DLGAP3: variants seen among roughly 807,000 people sequenced by gnomAD.
DLGAP3 encodes the protein disks large-associated protein 3.
DLGAP3 carries 17 observed loss-of-function variants against 81.2 expected under a neutral mutation model. That is an observed-to-expected ratio of 0.21 (90% CI 0.14 to 0.31). The LOEUF is 0.31. Among genes scored for constraint, DLGAP3 ranks in the 10% least tolerant of loss-of-function variants. DLGAP3 has a pLI of 1.00. For missense variants in DLGAP3, 1,124 were observed against 1,388.0 expected, an observed-to-expected ratio of 0.81 and a Z score of 3.02; for synonymous variants, 577 against 587.4, an observed-to-expected ratio of 0.98 and a Z score of 0.26.
chr1:34,903,591 T>C lies in DLGAP3; in HGVS notation c.1107+686A>G, dbSNP rs146941129. Among the ~76,000 whole-genome samples, 253 of 152,100 alleles carry C rather than the reference T, an allele frequency of 1.7e-3. 1 individual carries two copies. Among genetic ancestry groups the C allele is most frequent in the Non-Finnish European group, 3.0e-3 (204 of 67,984 alleles). On this transcript the variant is annotated intron_variant, in intron 3 of 11. Transcript: ENST00000373347. ...GCCTCACCTGCAGAGACCATAAATG[T>C]GGTAAGACAAGATGAGAACAGCATG...
intron 5 of DLGAP3, among the ~76,000 whole-genome samples, chr1:34,897,821 A>G (rs2184187): frequency 0.29 from 44,005 of 152,056 alleles, 6,718 homozygotes; most frequent in Non-Finnish European, 0.34. Context: ...TGGATCCTGG[A>G]TATATTTTAA....
chr1:34,880,672 G>A (rs1371357635), intron 8 of DLGAP3, among the ~76,000 whole-genome samples: 1 of 151,866 alleles, frequency 6.6e-6, no homozygotes, highest in Non-Finnish European at 1.5e-5. Flanking sequence ...GCACTCCAGA[G>A]TGAGACTCTG....
intron 5 of DLGAP3, among the ~76,000 whole-genome samples, chr1:34,892,664 CCCA>C (rs1639329704): frequency 6.6e-6 from 1 of 151,902 alleles, no homozygotes; most frequent in Non-Finnish European, 1.5e-5. Context: ...GCTACAGGTG[CCCA>C]CTACTGTGCC....
rs139478899 is a variant in DLGAP3, at chr1:34,904,743, G to T, written c.641C>A (p.Pro214Gln). The T allele has an allele frequency of 1.2e-4, 192 of 1,611,938 alleles. No homozygotes were observed. The African/African-American group carries it at 2.3e-3, about 19-fold the overall frequency. ...GGAGGTGTGGGGGCCTCCAGAGCCCGGGCCGGGGTAGCTGTCTCCTCCAGA... is the reference window on the plus strand; with the variant it reads ...GGAGGTGTGGGGGCCTCCAGAGCCCTGGCCGGGGTAGCTGTCTCCTCCAGA... ...GGSGGDSYPG[P>Q]GSGGPHTSHH... The change falls in exon 3 of 12, where the codon CCG (proline) becomes CAG (glutamine). Residue 214 changes from proline to glutamine, a missense_variant. By Grantham distance (76) the Pro-to-Gln change is moderately conservative. Around this residue, in one of 9 missense-constraint regions of DLGAP3, gnomAD observed 357 missense variants for 408.8 expected, o/e 0.87. Coordinates refer to ENST00000373347, the MANE Select transcript of DLGAP3 (RefSeq NM_001080418.3). This position sits in a 1 kb window ranked among gnomAD's most constrained non-coding sequence, Gnocchi z 8.1.
At chr1:34,920,004 G>C (rs776614865) in intron 1 of DLGAP3, among the ~76,000 whole-genome samples, 2 of 152,160 alleles carry the variant, frequency 1.3e-5, no homozygotes, top group Non-Finnish European at 2.9e-5. Flanking sequence ...AGGAGAAGAA[G>C]GGAAGAGGTT....
At chr1:34,881,945 A>C (rs1486785826) in intron 8 of DLGAP3, among the ~76,000 whole-genome samples, 2 of 152,366 alleles carry the variant, frequency 1.3e-5, no homozygotes, top group Non-Finnish European at 1.5e-5. Context: ...ATCATCTTGA[A>C]AAACATAGCC....
intron 1 of DLGAP3, among the ~76,000 whole-genome samples, chr1:34,912,041 A>C (rs1342670732): frequency 2.6e-5 from 4 of 152,212 alleles, no homozygotes; most frequent in Non-Finnish European, 5.9e-5. Context: ...GTACTTGGGT[A>C]GGTGATTCAC....
Position 34,869,128 on chromosome 1 carries a change from C to G in DLGAP3, c.2001-39G>C, listed in dbSNP as rs778284671. On this transcript the variant is annotated intron_variant, in intron 8 of 11. Transcript: ENST00000373347. ...TGGCTGTCATCCCCCATTGCCCAGGCTCATGCCAGCTCTCACCCCCACCCC... is the reference window on the plus strand; with the variant it reads ...TGGCTGTCATCCCCCATTGCCCAGGGTCATGCCAGCTCTCACCCCCACCCC... The G allele has an allele frequency of 3.4e-6, 5 of 1,453,972 alleles. No homozygotes were observed. In the African/African-American group the frequency reaches 7.0e-5, roughly 20 times the overall value. 90.1% of individuals were successfully genotyped at this position (1,453,972 alleles called of 1,614,324 possible). A position where few individuals can be genotyped will look rare whatever the true frequency, so the allele number is the denominator to read the frequency against.
chr1:34,868,044 T>A lies in DLGAP3; in HGVS notation c.2486-417A>T, dbSNP rs1268163013. On this transcript the variant is annotated intron_variant, in intron 9 of 11. Transcript: ENST00000373347. The surrounding 1 kb of genome is among the most constrained non-coding windows in gnomAD (Gnocchi z 7.5). ...GCTCTTTAAGAATGACCAAGTAATT[T>A]CATGTACATAACACATCTTCATAGC... Among the ~76,000 whole-genome samples the A allele has an allele frequency of 6.6e-6, 1 of 152,166 alleles. No individual in the cohort carries two copies. The highest frequency in any genetic ancestry group is 6.5e-5 in the Admixed American group (1 of 15,286).
Position 34,885,747 on chromosome 1 carries a change from G to A in DLGAP3, c.1645C>T (p.Gln549Ter). Reference protein sequence around the residue: ...KAPPPIPPGSQAPPRISITAQ... With the variant: ...KAPPPIPPGS ...GTGATGGAGATGCGGGGCGGGGCCT[G>A]GCTTCCCGGCGGGATGGGGGGCGGG... Residue 549 changes from glutamine to a stop codon, truncating the protein, a stop_gained, in exon 7 of 12, where the codon CAG becomes TAG. Transcript: ENST00000373347. LOFTEE classifies it high-confidence loss of function. 7.0e-7 allele frequency: 1 copy of A among 1,419,472 alleles called. No individual in the cohort carries two copies. The highest frequency in any genetic ancestry group is 9.1e-7 in the Non-Finnish European group (1 of 1,095,292). The allele number at this position is 1,419,472 out of a possible 1,614,324, so 87.9% of individuals were successfully genotyped here. A position where few individuals can be genotyped will look rare whatever the true frequency, so the allele number is the denominator to read the frequency against.
chr1:34,905,906 T>TGA (rs1377862744), intron 2 of DLGAP3, among the ~76,000 whole-genome samples: 11 of 150,996 alleles, frequency 7.3e-5, no homozygotes, highest in African/African-American at 2.7e-4. Flanking sequence ...CTTGGGAAGC[T>TGA]GAGAAGGGAG....
At position 34,902,864 on chromosome 1, in the gene DLGAP3, T is replaced by C. The variant is rs899144604; in HGVS notation, c.1107+1413A>G. 1.3e-5 allele frequency among the ~76,000 whole-genome samples: 2 copies of C among 152,040 alleles called. No homozygotes were observed. The highest frequency in any genetic ancestry group is 4.8e-5 in the African/African-American group (2 of 41,388). On this transcript the variant is annotated intron_variant, in intron 3 of 11. Transcript: ENST00000373347. The surrounding 1 kb of genome is among the most constrained non-coding windows in gnomAD (Gnocchi z 4.4). ...GGAGCAGCGAAATGGCAACAAGTCT[T>C]CAGGGATGGCAAGGAATCGGCTATG... is the stretch of plus-strand genomic sequence containing the variant.
At chr1:34,912,136 G>A (rs762056554) in intron 1 of DLGAP3, among the ~76,000 whole-genome samples, 22 of 152,186 alleles carry the variant, frequency 1.4e-4, no homozygotes, top group East Asian at 9.6e-4. Context: ...GTTTAACAAG[G>A]TAAAGCATAT....
At chr1:34,911,634 A>G (rs949514111) in intron 1 of DLGAP3, among the ~76,000 whole-genome samples, 4 of 152,208 alleles carry the variant, frequency 2.6e-5, no homozygotes, top group Non-Finnish European at 5.9e-5. Context: ...CTATCTGGGA[A>G]TGGAAGAAGT....
chr1:34,901,720 A>G (rs7540641), intron 3 of DLGAP3, among the ~76,000 whole-genome samples: 144,908 of 152,274 alleles, frequency 0.95, 69,387 homozygotes, highest in East Asian at 1. Context: ...CACTGCCAGG[A>G]CATGTCAATG....
intron 1 of DLGAP3, among the ~76,000 whole-genome samples, chr1:34,907,719 T>C (rs921148553): frequency 2.0e-5 from 3 of 152,198 alleles, no homozygotes; most frequent in Non-Finnish European, 2.9e-5. Flanking sequence ...TCTTTTTTTT[T>C]CCATTGCCCT....
chr1:34,885,769 C>T lies in DLGAP3; in HGVS notation c.1623G>A (p.Pro541=). The part of the protein sequence containing the change: ...PGSSFNFRKA[P]PPIPPGSQAP... The stretch of plus-strand genomic sequence containing the variant: ...CCTGGCTTCCCGGCGGGATGGGGGG[C>T]GGGGCCTTTCTGAAGTTGAAGGCTG... The change falls in exon 7 of 12, where the codon CCG becomes CCA. Residue 541 remains proline (P), a synonymous_variant. Coordinates refer to ENST00000373347, the MANE Select transcript of DLGAP3 (RefSeq NM_001080418.3). 1.4e-6 allele frequency: 2 copies of T among 1,409,474 alleles called. No individual in the cohort carries two copies. 87.3% of individuals were successfully genotyped at this position (1,409,474 alleles called of 1,614,324 possible). A position where few individuals can be genotyped will look rare whatever the true frequency, so the allele number is the denominator to read the frequency against.
intron 1 of DLGAP3, among the ~76,000 whole-genome samples, chr1:34,918,101 G>C (rs1031229466): frequency 1.3e-5 from 2 of 152,208 alleles, no homozygotes; most frequent in African/African-American, 2.4e-5. Flanking sequence ...CAGAGGGGGG[G>C]TCTCTCAGAG....
At chr1:34,872,850 C>T (rs2148394673) in intron 8 of DLGAP3, among the ~76,000 whole-genome samples, 1 of 152,246 alleles carries the variant, frequency 6.6e-6, no homozygotes, top group East Asian at 1.9e-4. Flanking sequence ...CCCAGAGCCT[C>T]CCAGAGCCCA....
Sources: gnomAD v4.1 joint callset for allele counts (sites outside exome capture counted in the v4.1 genomes callset) on GRCh38, gnomAD v4.1.1 for gene constraint, gnomAD v4.1.1 regional missense constraint, Gnocchi (gnomAD v3.1) non-coding constraint, MANE v1.5 for transcripts, NCBI Gene and HGNC (gene_info 2026-07-23, HGNC 2026-07-21) for gene names.